KIAA0930: variants seen among roughly 807,000 people sequenced by gnomAD.
KIAA0930 encodes uncharacterized protein KIAA0930.
A neutral mutation model predicts 43.9 loss-of-function variants in KIAA0930; 24 were observed. The observed-to-expected ratio is 0.55, with a 90% CI of 0.40 to 0.77. The LOEUF (loss-of-function observed/expected upper bound fraction) is 0.77, where lower values mean the gene tolerates loss of function less well. Ranked by LOEUF, KIAA0930 falls within the 30% of genes least tolerant of loss-of-function variation. The pLI is 0.00. For synonymous variants in KIAA0930, 259 were observed against 216.4 expected, an observed-to-expected ratio of 1.20 and a Z score of -1.73; for missense variants, 461 against 574.2, an observed-to-expected ratio of 0.80 and a Z score of 2.02.
chr22:45,212,479 G>T lies in KIAA0930; in HGVS notation c.65-372C>A, dbSNP rs11090732. 194 of 1,437,892 alleles carry T rather than the reference G, an allele frequency of 1.3e-4. 2 individuals carry two copies. The African/African-American group carries it at 1.9e-3, about 14-fold the overall frequency. 89.1% of individuals were successfully genotyped at this position (1,437,892 alleles called of 1,614,324 possible). On this transcript the variant is annotated intron_variant, in intron 1 of 9. Transcript: ENST00000336156. ...GGCTGGAAGCCGGGAAGGCTTGGCT[G>T]GGGGGGAGCCTTTGGAGAGGCAGGG...
At chr22:45,240,306 G>A (rs1254666701) in intron 1 of KIAA0930, among the ~76,000 whole-genome samples, 3 of 152,242 alleles carry the variant, frequency 2.0e-5, no homozygotes, top group African/African-American at 7.2e-5. Context: ...GGCCCGGGGC[G>A]GGCTTCCTGG....
At chr22:45,209,279 C>T (rs959027844) in intron 2 of KIAA0930, among the ~76,000 whole-genome samples, 4 of 152,008 alleles carry the variant, frequency 2.6e-5, no homozygotes, top group East Asian at 1.9e-4. Flanking sequence ...CAGGCGACTC[C>T]GCGGGTCCCC....
rs2147727245 is a variant in KIAA0930 at position 45,193,191 on chromosome 22, GC to G, written c.*3984del. On this transcript the variant is annotated 3_prime_UTR_variant, in exon 10 of 10. Coordinates refer to ENST00000336156, the MANE Select transcript of KIAA0930 (RefSeq NM_001009880.2). Reference sequence around the variant, plus strand: ...GCAAGAGGACAGGAAGAACCAGTGGGCTGTCAAGAGACACTTGGTTTTTGAA... The same window carrying G: ...GCAAGAGGACAGGAAGAACCAGTGGGTGTCAAGAGACACTTGGTTTTTGAA... 6.6e-6 allele frequency: 1 copy of G among 152,298 alleles called. No homozygotes were observed. Among genetic ancestry groups the G allele is most frequent in the African/African-American group, 2.4e-5 (1 of 41,554 alleles). 9.4% of individuals were successfully genotyped at this position (152,298 alleles called of 1,614,324 possible). A position where few individuals can be genotyped will look rare whatever the true frequency, so the allele number is the denominator to read the frequency against.
In KIAA0930 at chr22:45,195,717, T is replaced by C. The variant is rs1001281087; in HGVS notation, c.*1459A>G. The C allele has an allele frequency of 1.3e-5, 2 of 152,630 alleles. No individual in the cohort carries two copies. The highest frequency in any genetic ancestry group is 4.8e-5 in the African/African-American group (2 of 41,426). The allele number at this position is 152,630 out of a possible 1,614,324, so 9.5% of individuals were successfully genotyped here. A position where few individuals can be genotyped will look rare whatever the true frequency, so the allele number is the denominator to read the frequency against. On this transcript the variant is annotated 3_prime_UTR_variant, in exon 10 of 10. Transcript: ENST00000336156. ...GGAGTCTAACATCCAACCCGACCTATGCAGAATGACGGGTGACCACGCCCT... is the reference window on the plus strand; with the variant it reads ...GGAGTCTAACATCCAACCCGACCTACGCAGAATGACGGGTGACCACGCCCT...
chr22:45,212,607 C>T (rs1338332024), intron 1 of KIAA0930: 15 of 1,340,620 alleles, frequency 1.1e-5, no homozygotes, highest in Admixed American at 3.3e-5. Flanking sequence ...GCCAAGGCTG[C>T]AAGCGGGAAC....
At chr22:45,212,554 C>A (rs946950487) in intron 1 of KIAA0930, 24 of 1,398,946 alleles carry the variant, frequency 1.7e-5, no homozygotes, top group Non-Finnish European at 2.1e-5. Context: ...CTGCGGCAGT[C>A]CCAGCGGGAA....
chr22:45,222,133 G>A (rs1030675166), intron 1 of KIAA0930, among the ~76,000 whole-genome samples: 2 of 152,090 alleles, frequency 1.3e-5, no homozygotes, highest in Non-Finnish European at 2.9e-5. Flanking sequence ...AAAGAATAAG[G>A]TTGGGTCCCT....
intron 1 of KIAA0930, among the ~76,000 whole-genome samples, chr22:45,229,145 C>T (rs1277790340): frequency 2.5e-5 from 1 of 39,354 alleles, no homozygotes. Context: ...AAACACTCAC[C>T]TGAGAGATCC....
intron 1 of KIAA0930, among the ~76,000 whole-genome samples, chr22:45,225,348 G>A (rs2083792273): frequency 6.6e-6 from 1 of 152,194 alleles, no homozygotes; most frequent in South Asian, 2.1e-4. Context: ...GAGTCCCCAC[G>A]TGAGCAGTGC....
chr22:45,209,091 C>T (rs1369262082), intron 2 of KIAA0930, among the ~76,000 whole-genome samples: 1 of 152,212 alleles, frequency 6.6e-6, no homozygotes, highest in Non-Finnish European at 1.5e-5. Context: ...TCCCTTGGGC[C>T]CTGGAGCACT....
Position 45,213,981 on chromosome 22 carries a change from A to C in KIAA0930, c.65-1874T>G, listed in dbSNP as rs868117288. Among the ~76,000 whole-genome samples, 7 of 152,306 alleles carry C rather than the reference A, an allele frequency of 4.6e-5. No individual in the cohort carries two copies. In the South Asian group the frequency reaches 1.0e-3, roughly 23 times the overall value. On this transcript the variant is annotated intron_variant, in intron 1 of 9. Transcript: ENST00000336156. ...AGCCGAGATCGCACCATTGCACTCC[A>C]GCCTGGGTGACAGAGCAAGACTCCA...
chr22:45,199,017 G>A (rs2083562177), intron 8 of KIAA0930, among the ~76,000 whole-genome samples: 1 of 152,200 alleles, frequency 6.6e-6, no homozygotes, highest in Non-Finnish European at 1.5e-5. Context: ...GCTGGGTCCT[G>A]AGGATGACAG....
At chr22:45,205,188 T>C (rs1476600979) in intron 5 of KIAA0930, 29 bp downstream of exon 5, 4 of 1,557,532 alleles carry the variant, frequency 2.6e-6, no homozygotes, top group Middle Eastern at 1.7e-4. Flanking sequence ...AAGGGGAAGC[T>C]AAGGAGAGAG....
At chr22:45,231,315 C>G (rs1158906585) in intron 1 of KIAA0930, among the ~76,000 whole-genome samples, 1 of 151,902 alleles carries the variant, frequency 6.6e-6, no homozygotes, top group East Asian at 1.9e-4. Flanking sequence ...TCATGTAAAA[C>G]TTACACTAAA....
In KIAA0930 at chr22:45,205,206, G is replaced by T; in HGVS notation, c.516+11C>A. ...GGGAAGCTAAGGAGAGAGGCCCTGT[G>T]CAGAGCTCACCTCCTCGAAGCTGTC... On this transcript the variant is annotated intron_variant, in intron 5 of 9. Coordinates refer to ENST00000336156, the MANE Select transcript of KIAA0930 (RefSeq NM_001009880.2). 6.2e-7 allele frequency: 1 copy of T among 1,601,750 alleles called. No homozygotes were observed.
chr22:45,230,386 C>T (rs1238504156), intron 1 of KIAA0930, among the ~76,000 whole-genome samples: 4 of 152,092 alleles, frequency 2.6e-5, no homozygotes, highest in Admixed American at 6.5e-5. Context: ...ATAGCAGAAG[C>T]AGGAAGGTCT....
At chr22:45,205,509 T>G (rs2083628647) in intron 4 of KIAA0930, 121 bp downstream of exon 4, 4 of 1,008,438 alleles carry the variant, frequency 4.0e-6, no homozygotes, top group African/African-American at 1.6e-5. Flanking sequence ...GCTGAGCAGA[T>G]TTCTGGAGTC....
At chr22:45,221,843 T>C (rs1224691661) in intron 1 of KIAA0930, among the ~76,000 whole-genome samples, 4 of 152,212 alleles carry the variant, frequency 2.6e-5, no homozygotes, top group African/African-American at 9.7e-5. Flanking sequence ...CAAGCGATTC[T>C]CCTGCCTCAG....
intron 3 of KIAA0930, 43 bp from the exon 4 acceptor site, chr22:45,205,750 T>A (rs756887483): frequency 1.2e-6 from 2 of 1,612,878 alleles, no homozygotes; most frequent in African/African-American, 2.7e-5. Flanking sequence ...GGGTCAGCCA[T>A]CCCACAGGGC....
Sources: allele counts gnomAD v4.1 joint callset (sites outside exome capture counted in the v4.1 genomes callset), GRCh38; gene constraint gnomAD v4.1.1; transcripts MANE v1.5; gene names NCBI Gene and HGNC (gene_info 2026-07-23, HGNC 2026-07-21).